Variants in RBM34 observed in about 807,000 individuals in gnomAD.
RBM34 encodes RNA-binding protein 34.
Under a neutral mutation model 44.6 loss-of-function variants are expected in RBM34, and 39 were observed. The observed-to-expected ratio is 0.87, with a 90% CI of 0.68 to 1.14. The LOEUF is 1.14. RBM34 is among the 50% of genes most tolerant of loss of function. The pLI, the probability that RBM34 is intolerant of heterozygous loss-of-function variation, is 0.00. For missense variants in RBM34, 572 were observed against 517.9 expected, an observed-to-expected ratio of 1.10 and a Z score of -1.01; for synonymous variants, 194 against 184.0, an observed-to-expected ratio of 1.05 and a Z score of -0.44.
chr1:235,142,926 C>CAAAACAA (rs1661748171), intron 6 of RBM34, among the ~76,000 whole-genome samples: 1 of 66,222 alleles, frequency 1.5e-5, no homozygotes, highest in African/African-American at 7.0e-5. Context: ...GGATCCATCT[C>CAAAACAA]AAAAAAAAAA....
chr1:235,152,453 C>T, intron 5 of RBM34: 4 of 1,152,834 alleles, frequency 3.5e-6, no homozygotes, highest in Non-Finnish European at 4.4e-6. Flanking sequence ...AATAAGTCAC[C>T]CATCCACCCT....
chr1:235,159,403 A>C (rs1057011897), intron 3 of RBM34, among the ~76,000 whole-genome samples: 3 of 151,784 alleles, frequency 2.0e-5, no homozygotes, highest in Non-Finnish European at 4.4e-5. Flanking sequence ...TACAAAAATC[A>C]GCTGGGTGTG....
At chr1:235,155,911 C>T (rs1356948339) in intron 3 of RBM34, among the ~76,000 whole-genome samples, 1 of 134,798 alleles carries the variant, frequency 7.4e-6, no homozygotes, top group South Asian at 2.3e-4. Context: ...GCTCTGTCTC[C>T]CAGACTGGAG....
intron 5 of RBM34, chr1:235,152,354 T>A (rs548575939): frequency 1.3e-3 from 520 of 415,796 alleles, no homozygotes; most frequent in Non-Finnish European, 1.6e-3. Context: ...CCCATACTAA[T>A]GTGTATGATG....
Position 235,155,779 on chromosome 1 carries a change from A to G in RBM34, c.366-667T>C, listed in dbSNP as rs963053323. Among the ~76,000 whole-genome samples the G allele has an allele frequency of 2.2e-5, 3 of 137,760 alleles. No homozygotes were observed. In the Admixed American group the frequency reaches 2.2e-4, roughly 10 times the overall value. 90.4% of individuals were successfully genotyped at this position (137,760 alleles called of 152,430 possible). A position where few individuals can be genotyped will look rare whatever the true frequency, so the allele number is the denominator to read the frequency against. ...CTTGGCCTCCCAAAGTGCTGGGACT[A>G]AAGGTGTGAGCCACCATGTCCAGTC... is the stretch of plus-strand genomic sequence containing the variant. On this transcript the variant is annotated intron_variant, in intron 3 of 10. Transcript: ENST00000408888.
At chr1:235,158,888 T>C (rs1469228656) in intron 3 of RBM34, among the ~76,000 whole-genome samples, 1 of 149,252 alleles carries the variant, frequency 6.7e-6, no homozygotes, top group African/African-American at 2.5e-5. Context: ...GAGACGGAGG[T>C]AGGAGGATGG....
intron 10 of RBM34, among the ~76,000 whole-genome samples, chr1:235,134,908 C>A (rs1661352578): frequency 6.6e-6 from 1 of 151,428 alleles, no homozygotes; most frequent in African/African-American, 2.4e-5. Flanking sequence ...CCATGCCCAG[C>A]TAATTTTGTA....
intron 5 of RBM34, among the ~76,000 whole-genome samples, chr1:235,150,285 G>C (rs936796983): frequency 6.6e-6 from 1 of 152,174 alleles, no homozygotes; most frequent in Non-Finnish European, 1.5e-5. Flanking sequence ...ATGTTGGCCA[G>C]GCTGGTCTCG....
chr1:235,135,924 T>C (rs1315116954), intron 9 of RBM34, 110 bp downstream of exon 9: 11 of 1,245,044 alleles, frequency 8.8e-6, no homozygotes, highest in East Asian at 7.5e-5. Flanking sequence ...GGCAAACACA[T>C]TGCATGCTTT....
rs887313809 is a variant in RBM34 at position 235,141,301 on chromosome 1, C to G, written c.702-3127G>C. On this transcript the variant is annotated intron_variant, in intron 6 of 10. Coordinates refer to ENST00000408888, the MANE Select transcript of RBM34 (RefSeq NM_015014.4). Reference sequence around the variant, plus strand: ...CAAGGTTTATAAACACACCAATCAGCACCCTGTGTTTAGCTCAGGGTTTGT... The same window carrying G: ...CAAGGTTTATAAACACACCAATCAGGACCCTGTGTTTAGCTCAGGGTTTGT... Among the ~76,000 whole-genome samples the G allele has an allele frequency of 5.3e-5, 8 of 152,076 alleles. No individual in the cohort carries two copies. In the East Asian group the frequency reaches 1.5e-3, roughly 29 times the overall value.
intron 5 of RBM34, among the ~76,000 whole-genome samples, chr1:235,150,604 G>A (rs1004068019): frequency 2.6e-5 from 4 of 152,172 alleles, no homozygotes; most frequent in Non-Finnish European, 4.4e-5. Context: ...GAAAACCCAC[G>A]TGTAGAGGAA....
rs150894211 is a variant in RBM34 at position 235,137,968 on chromosome 1, G to A, written c.786-28C>T. ...GTATTATAAATACAAAGGGAAAATG[G>A]TTGTTAAAAATGAGCACTCGATTAC... On this transcript the variant is annotated intron_variant, in intron 7 of 10. Coordinates refer to ENST00000408888, the MANE Select transcript of RBM34 (RefSeq NM_015014.4). 6.9e-4 allele frequency: 1,096 copies of A among 1,583,366 alleles called. 7 individuals are homozygous for A. In the African/African-American group the frequency reaches 0.013, roughly 19 times the overall value.
At chr1:235,141,367 G>C (rs1382296507) in intron 6 of RBM34, among the ~76,000 whole-genome samples, 1 of 152,182 alleles carries the variant, frequency 6.6e-6, no homozygotes, top group Non-Finnish European at 1.5e-5. Flanking sequence ...TGCTCTGGTG[G>C]GGCCTTGGAG....
At chr1:235,152,358 T>C (rs1662201295) in intron 5 of RBM34, 5 of 481,360 alleles carry the variant, frequency 1.0e-5, no homozygotes, top group Non-Finnish European at 1.4e-5. Flanking sequence ...TACTAATGTG[T>C]ATGATGGGAC....
In RBM34 at chr1:235,141,717, G is replaced by A. The variant is rs189287091; in HGVS notation, c.702-3543C>T. ...CTGCAGCTTCACTCCTGAAGCCAGC[G>A]AGACCACGAGGCCACCGGGAGGAAC... On this transcript the variant is annotated intron_variant, in intron 6 of 10. Transcript: ENST00000408888. Among the ~76,000 whole-genome samples, 40 of 152,180 alleles carry A rather than the reference G, an allele frequency of 2.6e-4. No individual in the cohort carries two copies. The East Asian group carries it at 3.1e-3, about 12-fold the overall frequency.
At chr1:235,150,056 GT>G (rs1018286015) in intron 5 of RBM34, among the ~76,000 whole-genome samples, 6 of 152,158 alleles carry the variant, frequency 3.9e-5, no homozygotes, top group Admixed American at 3.9e-4. Context: ...TCTACGTCCC[GT>G]TATTTGTTTG....
intron 3 of RBM34, among the ~76,000 whole-genome samples, chr1:235,157,620 A>G (rs1662507097): frequency 6.6e-6 from 1 of 152,206 alleles, no homozygotes; most frequent in African/African-American, 2.4e-5. Context: ...AGGGTGACAA[A>G]GGGTCACAAG....
intron 6 of RBM34, among the ~76,000 whole-genome samples, chr1:235,144,671 T>C (rs1661830200): frequency 6.6e-6 from 1 of 152,108 alleles, no homozygotes; most frequent in African/African-American, 2.4e-5. Flanking sequence ...TACTTGAGCC[T>C]AGGAATTCCA....
chr1:235,161,162 C>T lies in RBM34; in HGVS notation c.53+12G>A. On this transcript the variant is annotated intron_variant, in intron 1 of 10. Transcript: ENST00000408888. ...CATCCCTCCCCAGGTACTCGTGCCG[C>T]GCGCCACTCACCCCTCCTGGACACT... 1 of 1,598,804 alleles carries T rather than the reference C, an allele frequency of 6.3e-7. No homozygotes were observed. The highest frequency in any genetic ancestry group is 8.6e-7 in the Non-Finnish European group (1 of 1,169,490).
Sources: allele counts gnomAD v4.1 joint callset (sites outside exome capture counted in the v4.1 genomes callset), GRCh38; gene constraint gnomAD v4.1.1; transcripts MANE v1.5; gene names NCBI Gene and HGNC (gene_info 2026-07-23, HGNC 2026-07-21).